RNGTT: variants seen among roughly 807,000 people sequenced by gnomAD.
RNGTT encodes mRNA-capping enzyme.
In RNGTT, 33 loss-of-function variants were observed where a neutral mutation model predicts 79.3. The observed-to-expected ratio is 0.42, with a 90% CI of 0.32 to 0.56. The LOEUF is 0.56. Among genes scored for constraint, RNGTT ranks in the 20% least tolerant of loss-of-function variants. RNGTT has a pLI of 0.17. For missense variants in RNGTT, 497 were observed against 739.1 expected (o/e 0.67, Z 3.80); for synonymous variants, 222 against 235.9 (o/e 0.94, Z 0.54).
At chr6:88,625,527 G>A (rs564101788) in intron 14 of RNGTT, among the ~76,000 whole-genome samples, 2 of 151,884 alleles carry the variant, frequency 1.3e-5, no homozygotes, top group African/African-American at 4.8e-5. Flanking sequence ...ACTGGAAAAC[G>A]CAAAACTATA....
At chr6:88,822,347 TAATAC>T (rs1338623543) in intron 11 of RNGTT, among the ~76,000 whole-genome samples, 1 of 152,190 alleles carries the variant, frequency 6.6e-6, no homozygotes, top group Non-Finnish European at 1.5e-5. Context: ...AACACCAATA[TAATAC>T]ATTTGAACAT....
At chr6:88,959,223 G>A (rs984489568) in intron 1 of RNGTT, among the ~76,000 whole-genome samples, 2 of 147,376 alleles carry the variant, frequency 1.4e-5, no homozygotes, top group Non-Finnish European at 3.0e-5. Context: ...TGTGGAGAGG[G>A]GGGATGAGGG....
chr6:88,921,657 A>C (rs944003409), intron 4 of RNGTT, among the ~76,000 whole-genome samples: 5 of 152,122 alleles, frequency 3.3e-5, no homozygotes, highest in African/African-American at 1.2e-4. Context: ...AGAAAAATGA[A>C]ACCTCATGTA....
intron 14 of RNGTT, among the ~76,000 whole-genome samples, chr6:88,648,367 C>A (rs1773658087): frequency 6.6e-6 from 1 of 152,110 alleles, no homozygotes; most frequent in Admixed American, 6.6e-5. Flanking sequence ...TTGTTGTCAA[C>A]ATATTAAATG....
At chr6:88,938,064 C>A (rs1450319407) in intron 2 of RNGTT, among the ~76,000 whole-genome samples, 1 of 152,110 alleles carries the variant, frequency 6.6e-6, no homozygotes, top group Non-Finnish European at 1.5e-5. Context: ...GTCTAATGTG[C>A]ACTTTAAATC....
In RNGTT at chr6:88,698,269, G is replaced by GAT. The variant is rs1209677910; in HGVS notation, c.1440-19852_1440-19851dup. On this transcript the variant is annotated intron_variant, in intron 13 of 15. Transcript: ENST00000369485. ...ATGAAATATATATATAAATATATAT[G>GAT]ATATATATATTTCATATATATCATA... 3.5e-4 allele frequency among the ~76,000 whole-genome samples: 27 copies of GAT among 77,162 alleles called. 1 individual carries two copies. Among genetic ancestry groups the GAT allele is most frequent in the African/African-American group, 2.8e-4 (2 of 7,022 alleles). The allele number at this position is 77,162 out of a possible 152,430, so 50.6% of individuals were successfully genotyped here.
chr6:88,618,075 A>C (rs1772301017), intron 14 of RNGTT, among the ~76,000 whole-genome samples: 1 of 152,202 alleles, frequency 6.6e-6, no homozygotes, highest in South Asian at 2.1e-4. Flanking sequence ...CAGTTTCAGA[A>C]TTGCTATAAA....
At position 88,612,683 on chromosome 6, in the gene RNGTT, C is replaced by T. The variant is rs1323589847; in HGVS notation, c.*36G>A. The T allele has an allele frequency of 2.8e-6, 4 of 1,441,514 alleles. No homozygotes were observed. The highest frequency in any genetic ancestry group is 1.4e-5 in the African/African-American group (1 of 69,216). The allele number at this position is 1,441,514 out of a possible 1,614,324, so 89.3% of individuals were successfully genotyped here. A position where few individuals can be genotyped will look rare whatever the true frequency, so the allele number is the denominator to read the frequency against. On this transcript the variant is annotated 3_prime_UTR_variant, in exon 16 of 16. Coordinates refer to ENST00000369485, the MANE Select transcript of RNGTT (RefSeq NM_003800.5). ...TGGGCAACAGCGTTTTTTCCTCATT[C>T]CTCTTTCTTCTTAACCCTCAAGTCA...
intron 14 of RNGTT, among the ~76,000 whole-genome samples, chr6:88,677,422 T>C (rs747265536): frequency 3.3e-5 from 5 of 152,110 alleles, no homozygotes; most frequent in Admixed American, 1.3e-4. Flanking sequence ...ATTTATCAAA[T>C]TGTACAGTTT....
chr6:88,873,891 A>C (rs921705075), intron 8 of RNGTT, among the ~76,000 whole-genome samples: 3 of 152,194 alleles, frequency 2.0e-5, no homozygotes, highest in Admixed American at 6.5e-5. Context: ...AGACATACTC[A>C]TTGATCTTGA....
At chr6:88,791,979 G>A (rs991694608) in intron 12 of RNGTT, among the ~76,000 whole-genome samples, 9 of 152,110 alleles carry the variant, frequency 5.9e-5, no homozygotes, top group African/African-American at 1.4e-4. Context: ...TCGAGAAAAC[G>A]GTATTGCTTA....
At chr6:88,832,952 T>C (rs1038534714) in intron 11 of RNGTT, among the ~76,000 whole-genome samples, 2 of 152,122 alleles carry the variant, frequency 1.3e-5, no homozygotes, top group African/African-American at 4.8e-5. Context: ...TATGGAGAAA[T>C]AGGAACGCTT....
At chr6:88,945,514 C>A (rs978150523) in intron 1 of RNGTT, among the ~76,000 whole-genome samples, 2 of 152,174 alleles carry the variant, frequency 1.3e-5, no homozygotes, top group Admixed American at 6.5e-5. Context: ...TCTAGCTATT[C>A]GTCCTCAACT....
chr6:88,680,678 G>GT (rs1486373766), intron 13 of RNGTT, among the ~76,000 whole-genome samples: 1 of 150,760 alleles, frequency 6.6e-6, no homozygotes, highest in East Asian at 2.0e-4. Flanking sequence ...GGAGGCAGAG[G>GT]TTGCAGTGAG....
chr6:88,930,974 G>T (rs1333317897), intron 2 of RNGTT, among the ~76,000 whole-genome samples: 1 of 152,080 alleles, frequency 6.6e-6, no homozygotes, highest in Non-Finnish European at 1.5e-5. Flanking sequence ...AAACTGAAAT[G>T]CTTGGGACTT....
intron 14 of RNGTT, among the ~76,000 whole-genome samples, chr6:88,658,279 T>A (rs778631676): frequency 6.6e-6 from 1 of 152,180 alleles, no homozygotes; most frequent in Non-Finnish European, 1.5e-5. Context: ...ACCACTAGCA[T>A]AACCACATTC....
At chr6:88,654,034 C>T (rs1773889115) in intron 14 of RNGTT, among the ~76,000 whole-genome samples, 1 of 152,202 alleles carries the variant, frequency 6.6e-6, no homozygotes, top group Admixed American at 6.5e-5. Context: ...CTTTTATCTA[C>T]AACTACTGTA....
At chr6:88,891,780 T>C (rs779950408) in intron 7 of RNGTT, 26 bp downstream of exon 7, 41 of 1,411,606 alleles carry the variant, frequency 2.9e-5, no homozygotes, top group Non-Finnish European at 3.6e-5. Flanking sequence ...GCAAATTTTA[T>C]TTAAAAATTT....
intron 13 of RNGTT, among the ~76,000 whole-genome samples, chr6:88,724,037 T>C (rs1776799902): frequency 6.6e-6 from 1 of 152,216 alleles, no homozygotes; most frequent in South Asian, 2.1e-4. Flanking sequence ...GTTTGGGTTT[T>C]AACCTAACTC....
Sources: gnomAD v4.1 joint callset for allele counts (sites outside exome capture counted in the v4.1 genomes callset) on GRCh38, gnomAD v4.1.1 for gene constraint, MANE v1.5 for transcripts, NCBI Gene and HGNC (gene_info 2026-07-23, HGNC 2026-07-21) for gene names.